The following ANKRD30A variants were observed in gnomAD, a reference collection of about 807,000 sequenced individuals.
The protein encoded by ANKRD30A is ankyrin repeat domain-containing protein 30A.
A neutral mutation model predicts 166.3 loss-of-function variants in ANKRD30A; 170 were observed. That is an observed-to-expected ratio of 1.02 (90% CI 0.90 to 1.16). The LOEUF (loss-of-function observed/expected upper bound fraction) is 1.16, where lower values mean the gene tolerates loss of function less well. Ranked by LOEUF, ANKRD30A falls within the 50% of genes most tolerant of loss-of-function variation. The pLI is 0.00. For synonymous variants in ANKRD30A, 564 were observed against 508.9 expected (o/e 1.11, Z -1.46); for missense variants, 1,630 against 1,518.0 (o/e 1.07, Z -1.23).
chr10:37,249,121 C>G, the ANKRD30A span, among the ~76,000 whole-genome samples: 121 of 152,288 alleles, frequency 7.9e-4, no homozygotes, highest in African/African-American at 2.8e-3. Flanking sequence ...AGTGAGAGAA[C>G]AGTCTCTGAG....
intron 25 of ANKRD30A, among the ~76,000 whole-genome samples, chr10:37,189,848 AAGAC>A (rs764954914): frequency 6.6e-6 from 1 of 151,446 alleles, no homozygotes; most frequent in Non-Finnish European, 1.5e-5. Flanking sequence ...AAGACTGAGA[AAGAC>A]AGAGCGTACA....
At chr10:37,150,459 T>C (rs752537888) in intron 11 of ANKRD30A, among the ~76,000 whole-genome samples, 16 of 152,096 alleles carry the variant, frequency 1.1e-4, no homozygotes, top group Non-Finnish European at 2.2e-4. Flanking sequence ...AAACTGTAAT[T>C]CTGAAGCATT....
At chr10:37,225,932 C>T (rs559462065) in intron 34 of ANKRD30A, among the ~76,000 whole-genome samples, 20 of 151,632 alleles carry the variant, frequency 1.3e-4, no homozygotes, top group Admixed American at 5.3e-4. Context: ...AAAAAAAATT[C>T]GGCATTCTTT....
chr10:37,252,338 A>T, the ANKRD30A span, among the ~76,000 whole-genome samples: 5 of 152,210 alleles, frequency 3.3e-5, no homozygotes, highest in Non-Finnish European at 5.9e-5. Flanking sequence ...AGGCCTTTCA[A>T]CAGTTTTGGA....
intron 5 of ANKRD30A, among the ~76,000 whole-genome samples, chr10:37,135,748 T>C (rs1446160935): frequency 6.6e-6 from 1 of 152,180 alleles, no homozygotes; most frequent in Non-Finnish European, 1.5e-5. Flanking sequence ...CTTGGTGTGA[T>C]TGATGAGCTC....
At chr10:37,230,116 C>A (rs752022627) in intron 34 of ANKRD30A, among the ~76,000 whole-genome samples, 97 of 152,010 alleles carry the variant, frequency 6.4e-4, no homozygotes, top group Admixed American at 1.7e-3. Flanking sequence ...GATCTGCAAT[C>A]TGAACTCTCC....
At chr10:37,201,083 A>T (rs1841584147) in intron 30 of ANKRD30A, 152 bp from the exon 31 acceptor site, 2 of 491,142 alleles carry the variant, frequency 4.1e-6, no homozygotes, top group East Asian at 1.1e-4. Context: ...GTTTTCTATT[A>T]AAATGTTTTT....
chr10:37,161,013 G>A (rs1275202391), intron 15 of ANKRD30A, among the ~76,000 whole-genome samples: 1 of 152,198 alleles, frequency 6.6e-6, no homozygotes, highest in East Asian at 1.9e-4. Context: ...CAGCACGTTG[G>A]GAGGCCGTGA....
At chr10:37,179,296 T>C (rs1840015134) in intron 24 of ANKRD30A, among the ~76,000 whole-genome samples, 1 of 150,842 alleles carries the variant, frequency 6.6e-6, no homozygotes, top group Non-Finnish European at 1.5e-5. Flanking sequence ...GGTATTTTAC[T>C]GATTTTAACG....
intron 6 of ANKRD30A, among the ~76,000 whole-genome samples, chr10:37,137,764 GGCCT>G (rs746583312): frequency 3.3e-5 from 5 of 152,160 alleles, no homozygotes; most frequent in Non-Finnish European, 5.9e-5. Flanking sequence ...AGCTCAAGGA[GGCCT>G]GCCTGCCTCT....
At chr10:37,144,039 T>C (rs980773362) in intron 7 of ANKRD30A, among the ~76,000 whole-genome samples, 2 of 152,132 alleles carry the variant, frequency 1.3e-5, no homozygotes, top group African/African-American at 4.8e-5. Context: ...ACGTAGGTCT[T>C]TCTTTGCCGT....
chr10:37,154,722 G>T (rs1838233033), intron 13 of ANKRD30A, among the ~76,000 whole-genome samples: 3 of 152,140 alleles, frequency 2.0e-5, no homozygotes, highest in Non-Finnish European at 2.9e-5. Flanking sequence ...CAAGAGAGAA[G>T]CCAGCTAGAT....
At chr10:37,128,463 C>T (rs1836179753) in intron 1 of ANKRD30A, among the ~76,000 whole-genome samples, 1 of 151,796 alleles carries the variant, frequency 6.6e-6, no homozygotes, top group East Asian at 1.9e-4. Context: ...TTTACATGTA[C>T]ATTTTATTAG....
intron 6 of ANKRD30A, among the ~76,000 whole-genome samples, chr10:37,140,025 A>G (rs188754041): frequency 1.1e-4 from 16 of 152,318 alleles, no homozygotes; most frequent in African/African-American, 3.6e-4. Context: ...TCTATTTTAT[A>G]TGTACTATAT....
In ANKRD30A at chr10:37,219,348, T is replaced by C; in HGVS notation, c.3636T>C (p.Ile1212=). The change falls in exon 34 of 36, where the codon ATT becomes ATC. Residue 1212 remains isoleucine, a synonymous_variant. Transcript: ENST00000361713. The part of the protein sequence containing the change: ...LASAVQDHDQ[I]VTSRKSQEPA... ...CTGCTGTACAAGACCATGATCAAATTGTGACATCAAGAAAAAGTCAAGAAC... is the reference window on the plus strand; with the variant it reads ...CTGCTGTACAAGACCATGATCAAATCGTGACATCAAGAAAAAGTCAAGAAC... The C allele has an allele frequency of 1.2e-6, 2 of 1,610,380 alleles. No homozygotes were observed. The highest frequency in any genetic ancestry group is 1.7e-6 in the Non-Finnish European group (2 of 1,177,630).
intron 32 of ANKRD30A, 114 bp downstream of exon 32, chr10:37,216,508 T>A (rs1254244924): frequency 5.9e-6 from 6 of 1,016,126 alleles, no homozygotes; most frequent in Non-Finnish European, 7.0e-6. Flanking sequence ...AAAAAATGTC[T>A]GTCTTGTAGA....
intron 27 of ANKRD30A, among the ~76,000 whole-genome samples, chr10:37,196,685 ATCT>A (rs549882039): frequency 1.1e-3 from 171 of 152,296 alleles, no homozygotes; most frequent in Middle Eastern, 6.8e-3. Context: ...AGTTTTACAC[ATCT>A]TCTTGCATGA....
At position 37,141,794 on chromosome 10, in the gene ANKRD30A, G is replaced by C. The variant is rs1340951147; in HGVS notation, c.897G>C (p.Val299=). The C allele has an allele frequency of 3.1e-6, 5 of 1,612,708 alleles. No individual in the cohort carries two copies. The highest frequency in any genetic ancestry group is 4.2e-6 in the Non-Finnish European group (5 of 1,179,698). The change falls in exon 7 of 36, where the codon GTG becomes GTC. Residue 299 remains valine (V), a synonymous_variant. Transcript: ENST00000361713. ...CACCTGACACAGCTGAAAGCTTGGT[G>C]GAAAAAACACCTGATGAGGCTGCAC... ...ERTPDTAESL[V]EKTPDEAAPL...
chr10:37,212,392 A>G (rs998382741), intron 31 of ANKRD30A, among the ~76,000 whole-genome samples: 1 of 152,094 alleles, frequency 6.6e-6, no homozygotes, highest in Non-Finnish European at 1.5e-5. Context: ...ATGGAAGAAC[A>G]TTCCACGCTT....
Sources: allele counts gnomAD v4.1 joint callset (sites outside exome capture counted in the v4.1 genomes callset), GRCh38; gene constraint gnomAD v4.1.1; transcripts MANE v1.5; gene names NCBI Gene and HGNC (gene_info 2026-07-23, HGNC 2026-07-21).